Variants in ARHGAP12 observed in about 807,000 individuals in gnomAD.
ARHGAP12 encodes Rho GTPase activating protein 12.
In ARHGAP12, 64 loss-of-function variants were observed where a neutral mutation model predicts 108.6. That is an observed-to-expected ratio of 0.59 (90% CI 0.48 to 0.73). ARHGAP12 has a LOEUF of 0.73. ARHGAP12 is among the 30% of genes least tolerant of loss of function. ARHGAP12 has a pLI of 0.00. For missense variants in ARHGAP12, 940 were observed against 1,005.9 expected (o/e 0.93, Z 0.89); for synonymous variants, 312 against 337.2 (o/e 0.93, Z 0.82).
rs147412574 is a variant in ARHGAP12 at position 31,838,108 on chromosome 10, A to G, written c.1386+1197T>C. On this transcript the variant is annotated intron_variant, in intron 9 of 19. Transcript: ENST00000344936. ...TGCCTAACCTAGAGAATTAGAATAA[A>G]ATTCTCTGAGGAAATAAAAGTTCAA... 1.2e-3 allele frequency among the ~76,000 whole-genome samples: 179 copies of G among 152,346 alleles called. 3 individuals carry two copies. Among genetic ancestry groups the G allele is most frequent in the African/African-American group, 4.1e-3 (172 of 41,576 alleles).
chr10:31,854,225 A>G lies in ARHGAP12; in HGVS notation c.949-19T>C, dbSNP rs754123731. On this transcript the variant is annotated intron_variant, in intron 4 of 19. Transcript: ENST00000344936. ...AAAGAAGCTACAAATAGTCAGAAACATAAGGATTTTTCTTTTTTGAATATA... is the reference window on the plus strand; with the variant it reads ...AAAGAAGCTACAAATAGTCAGAAACGTAAGGATTTTTCTTTTTTGAATATA... 9 of 1,580,834 alleles carry G rather than the reference A, an allele frequency of 5.7e-6. No homozygotes were observed. The South Asian group carries it at 8.3e-5, about 15-fold the overall frequency.
At chr10:31,839,465 C>T in intron 8 of ARHGAP12, 146 bp from the exon 9 acceptor site, 1 of 1,100,008 alleles carries the variant, frequency 9.1e-7, no homozygotes, top group Admixed American at 3.0e-5. Flanking sequence ...AAAAGGGGGA[C>T]TTTTAAATCA....
At chr10:31,869,084 G>A (rs1390561953) in intron 3 of ARHGAP12, among the ~76,000 whole-genome samples, 1 of 152,136 alleles carries the variant, frequency 6.6e-6, no homozygotes, top group East Asian at 1.9e-4. Flanking sequence ...ACCACCATTT[G>A]CTGTTACTCT....
chr10:31,809,785 TA>T (rs1338905226), intron 16 of ARHGAP12: 1 of 152,406 alleles, frequency 6.6e-6, no homozygotes, highest in African/African-American at 2.4e-5. Context: ...AATGGTTCTA[TA>T]AAAACAATAC....
At chr10:31,876,820 G>A (rs1427968714) in intron 3 of ARHGAP12, among the ~76,000 whole-genome samples, 1 of 152,210 alleles carries the variant, frequency 6.6e-6, no homozygotes, top group East Asian at 1.9e-4. Context: ...TAAAACCGCA[G>A]TTTGTTTTTC....
At chr10:31,923,219 C>A (rs1839896310) in intron 1 of ARHGAP12, among the ~76,000 whole-genome samples, 1 of 149,986 alleles carries the variant, frequency 6.7e-6, no homozygotes, top group South Asian at 2.1e-4. Context: ...TGAAAATATG[C>A]CCAACATCTT....
chr10:31,926,316 G>T (rs1303458577), intron 1 of ARHGAP12, among the ~76,000 whole-genome samples: 1 of 147,982 alleles, frequency 6.8e-6, no homozygotes, highest in African/African-American at 2.5e-5. Context: ...ATACCAATGA[G>T]CCGGGGCCAG....
intron 1 of ARHGAP12, among the ~76,000 whole-genome samples, chr10:31,911,583 G>C (rs1403298736): frequency 6.6e-6 from 1 of 152,082 alleles, no homozygotes; most frequent in Non-Finnish European, 1.5e-5. Flanking sequence ...CAAAGTGCTG[G>C]GGCTGCAGGC....
At chr10:31,852,900 G>GT (rs1295340602) in intron 5 of ARHGAP12, among the ~76,000 whole-genome samples, 4 of 151,810 alleles carry the variant, frequency 2.6e-5, no homozygotes, top group Non-Finnish European at 5.9e-5. Context: ...CTAATTTTGT[G>GT]TTTTTTTAGT....
At chr10:31,820,781 A>AT (rs1160435669) in intron 11 of ARHGAP12, among the ~76,000 whole-genome samples, 1 of 150,358 alleles carries the variant, frequency 6.7e-6, no homozygotes, top group African/African-American at 2.4e-5. Flanking sequence ...GTGGGAAAAA[A>AT]TTTTTTCAAA....
At chr10:31,898,030 G>A (rs780942480) in intron 3 of ARHGAP12, among the ~76,000 whole-genome samples, 1 of 151,998 alleles carries the variant, frequency 6.6e-6, no homozygotes, top group Admixed American at 6.6e-5. Flanking sequence ...AGGCTGAGGT[G>A]GGAAAATCGC....
At chr10:31,849,150 A>T (rs1446009231) in intron 6 of ARHGAP12, among the ~76,000 whole-genome samples, 1 of 151,924 alleles carries the variant, frequency 6.6e-6, no homozygotes, top group African/African-American at 2.4e-5. Flanking sequence ...ATTTCTTCAC[A>T]TATTTTATTT....
At chr10:31,826,027 A>G (rs1178299995) in intron 11 of ARHGAP12, among the ~76,000 whole-genome samples, 1 of 152,188 alleles carries the variant, frequency 6.6e-6, no homozygotes, top group Non-Finnish European at 1.5e-5. Flanking sequence ...GAATCAAGAA[A>G]TGTATTTTCT....
At position 31,806,067 on chromosome 10, in the gene ARHGAP12, A is replaced by T. The variant is rs1483229716; in HGVS notation, c.*1591T>A. Reference sequence around the variant, plus strand: ...AAATTATAAATGCAACCCTAAGAAAAAAAAATCCTGGTCACAAATCACTCG... The same window carrying T: ...AAATTATAAATGCAACCCTAAGAAATAAAAATCCTGGTCACAAATCACTCG... On this transcript the variant is annotated 3_prime_UTR_variant, in exon 20 of 20. Coordinates refer to ENST00000344936, the MANE Select transcript of ARHGAP12 (RefSeq NM_018287.7). 1 of 152,152 alleles carries T rather than the reference A, an allele frequency of 6.6e-6. No homozygotes were observed. The highest frequency in any genetic ancestry group is 1.5e-5 in the Non-Finnish European group (1 of 68,016). 9.4% of individuals were successfully genotyped at this position (152,152 alleles called of 1,614,324 possible). A position where few individuals can be genotyped will look rare whatever the true frequency, so the allele number is the denominator to read the frequency against.
Position 31,908,893 on chromosome 10 carries a change from C to T in ARHGAP12, c.-38G>A. On this transcript the variant is annotated 5_prime_UTR_variant, in exon 3 of 20. The change creates a new upstream start codon in the 5' untranslated region. Transcript: ENST00000344936. The stretch of plus-strand genomic sequence containing the variant: ...ACCTCTCAAAAAGGATGTTATACCA[C>T]ATTATGGCTTTATGGCTTGTTGGAT... The T allele has an allele frequency of 1.3e-6, 2 of 1,507,764 alleles. No individual in the cohort carries two copies. Among genetic ancestry groups the T allele is most frequent in the Non-Finnish European group, 1.8e-6 (2 of 1,127,628 alleles). The allele number at this position is 1,507,764 out of a possible 1,614,324, so 93.4% of individuals were successfully genotyped here.
intron 3 of ARHGAP12, among the ~76,000 whole-genome samples, chr10:31,900,446 C>G (rs961685027): frequency 6.6e-6 from 1 of 152,134 alleles, no homozygotes; most frequent in African/African-American, 2.4e-5. Flanking sequence ...AAACTGGAAG[C>G]AACCAAGACA....
chr10:31,876,975 T>C (rs1354701062), intron 3 of ARHGAP12, among the ~76,000 whole-genome samples: 1 of 152,200 alleles, frequency 6.6e-6, no homozygotes, highest in Non-Finnish European at 1.5e-5. Context: ...AATCCTCATC[T>C]GAAGACTCAA....
chr10:31,807,828 T>G lies in ARHGAP12; in HGVS notation c.2371A>C (p.Ile791Leu). The G allele has an allele frequency of 6.5e-7, 1 of 1,526,944 alleles. No homozygotes were observed. Among genetic ancestry groups the G allele is most frequent in the East Asian group, 2.4e-5 (1 of 42,518 alleles). The allele number at this position is 1,526,944 out of a possible 1,614,324, so 94.6% of individuals were successfully genotyped here. The change falls in exon 20 of 20, where the codon ATA (isoleucine) becomes CTA (leucine). Residue 791 changes from isoleucine (I) to leucine (L), a missense_variant. By Grantham distance (5) the Ile-to-Leu change is conservative. Coordinates refer to ENST00000344936, the MANE Select transcript of ARHGAP12 (RefSeq NM_018287.7). The stretch of plus-strand genomic sequence containing the variant: ...ATTCGATTTTTCTCTCCATTTTCTA[T>G]AACTCTGAAGGGAAAAAAAGAAGTT... ...QILFRHLRRV[I>L]ENGEKNRMTY...
intron 3 of ARHGAP12, among the ~76,000 whole-genome samples, chr10:31,872,269 G>A (rs1365411903): frequency 2.0e-5 from 3 of 151,954 alleles, no homozygotes; most frequent in South Asian, 2.1e-4. Context: ...AAACTCTATT[G>A]CTTCAATAAA....
Sources: allele counts gnomAD v4.1 joint callset (sites outside exome capture counted in the v4.1 genomes callset), GRCh38; gene constraint gnomAD v4.1.1; transcripts MANE v1.5; gene names NCBI Gene and HGNC (gene_info 2026-07-23, HGNC 2026-07-21).